The following RYR2 variants were observed in gnomAD, a reference collection of about 807,000 sequenced individuals.
The protein encoded by RYR2 is ryanodine receptor 2.
In RYR2, 227 loss-of-function variants were observed where a neutral mutation model predicts 601.1. The ratio of observed to expected loss-of-function variants is 0.38; its 90% CI spans 0.34 to 0.42. The LOEUF is 0.42. RYR2 is among the 10% of genes least tolerant of loss of function. The pLI is 1.00. For synonymous variants in RYR2, 2,223 were observed against 2,175.1 expected (o/e 1.02, Z -0.61); for missense variants, 4,646 against 6,156.5 (o/e 0.75, Z 8.21).
intron 16 of RYR2, among the ~76,000 whole-genome samples, chr1:237,459,790 A>G (rs1659262797): frequency 1.3e-5 from 2 of 152,098 alleles, no homozygotes; most frequent in African/African-American, 4.8e-5. Flanking sequence ...AATGTTGGGG[A>G]CTTGGTGGGT....
intron 27 of RYR2, among the ~76,000 whole-genome samples, chr1:237,556,710 A>G (rs1451829103): frequency 6.6e-6 from 1 of 151,918 alleles, no homozygotes. Context: ...CTCTCAGTGT[A>G]GACAGGGAAA....
chr1:237,485,743 GTATACA>G (rs1662609535), intron 17 of RYR2, among the ~76,000 whole-genome samples: 2 of 152,188 alleles, frequency 1.3e-5, no homozygotes, highest in Admixed American at 1.3e-4. Context: ...TCATATGTAG[GTATACA>G]TATTAATTGT....
intron 1 of RYR2, among the ~76,000 whole-genome samples, chr1:237,235,798 A>C (rs942935064): frequency 1.3e-5 from 2 of 152,220 alleles, no homozygotes; most frequent in Non-Finnish European, 2.9e-5. Flanking sequence ...GGTCATTAAA[A>C]TAGTTTTTAG....
chr1:237,826,389 A>C (rs1056183212), intron 101 of RYR2, among the ~76,000 whole-genome samples: 1 of 152,200 alleles, frequency 6.6e-6, no homozygotes, highest in African/African-American at 2.4e-5. Context: ...GCTGGAAACC[A>C]TCATTCTCAG....
At chr1:237,818,546 T>G (rs1891246) in intron 100 of RYR2, among the ~76,000 whole-genome samples, 71,748 of 151,810 alleles carry the variant, frequency 0.47, 18,205 homozygotes, top group African/African-American at 0.67. Context: ...AAGTAGAAAA[T>G]AATTTCAGCA....
At chr1:237,787,958 A>C in intron 91 of RYR2, 30 bp from the exon 92 acceptor site, 1 of 1,562,344 alleles carries the variant, frequency 6.4e-7, no homozygotes, top group Non-Finnish European at 8.7e-7. Context: ...GTTTCTGGAG[A>C]GCTTATGTTT....
intron 1 of RYR2, among the ~76,000 whole-genome samples, chr1:237,264,953 C>T (rs150466653): frequency 4.0e-5 from 6 of 151,882 alleles, no homozygotes; most frequent in East Asian, 3.9e-4. Flanking sequence ...CCACCTGCCT[C>T]GGCCTCCCAA....
At chr1:237,117,352 TG>T (rs1670188007) in intron 1 of RYR2, among the ~76,000 whole-genome samples, 1 of 152,064 alleles carries the variant, frequency 6.6e-6, no homozygotes, top group Admixed American at 6.5e-5. Flanking sequence ...TTTCTCTAGG[TG>T]GGGAGGTCAG....
intron 66 of RYR2, 149 bp downstream of exon 66, chr1:237,702,208 C>G (rs1170480279): frequency 2.4e-5 from 14 of 574,946 alleles, no homozygotes; most frequent in Non-Finnish European, 4.3e-5. Context: ...ATTAGACAAT[C>G]TTTAAACAAA....
At chr1:237,297,701 C>T (rs910649742) in intron 2 of RYR2, among the ~76,000 whole-genome samples, 2 of 151,520 alleles carry the variant, frequency 1.3e-5, no homozygotes, top group African/African-American at 4.9e-5. Flanking sequence ...TGGGAGCGTT[C>T]ACATATAAGT....
chr1:237,462,022 A>G (rs1411447100), intron 16 of RYR2, among the ~76,000 whole-genome samples: 4 of 152,192 alleles, frequency 2.6e-5, no homozygotes, highest in African/African-American at 9.6e-5. Flanking sequence ...ATAGCCACAT[A>G]TACCTAAATA....
intron 86 of RYR2, 141 bp downstream of exon 86, chr1:237,772,241 C>T: frequency 2.0e-6 from 1 of 509,502 alleles, no homozygotes; most frequent in Non-Finnish European, 3.4e-6. Flanking sequence ...CTCAGCAATT[C>T]TTAGAGCAAA....
Position 237,791,454 on chromosome 1 carries a change from A to G in RYR2, c.13502A>G (p.Asn4501Ser). The G allele has an allele frequency of 6.3e-7, 1 of 1,578,352 alleles. No homozygotes were observed. The highest frequency in any genetic ancestry group is 8.6e-7 in the Non-Finnish European group (1 of 1,158,384). ...AACTATTTTGCTCGCAACTTTTACA[A>G]CATGAGAATGTTAGCCTTATTTGTC... ...LLNYFARNFY[N>S]MRMLALFVAF... is the part of the protein sequence containing the mutation. Residue 4501 changes from asparagine (N) to serine (S), a missense_variant, in exon 93 of 105, where the codon AAC becomes AGC. Physicochemically the swap from Asn to Ser is conservative, Grantham distance 46. Coordinates refer to ENST00000366574, the MANE Select transcript of RYR2 (RefSeq NM_001035.3).
chr1:237,473,177 A>G (rs1016443463), intron 17 of RYR2, among the ~76,000 whole-genome samples: 3 of 152,064 alleles, frequency 2.0e-5, no homozygotes, highest in Non-Finnish European at 4.4e-5. Flanking sequence ...TAATCCCAGC[A>G]CTTTGGGAGG....
At chr1:237,668,721 T>C (rs533054806) in intron 58 of RYR2, among the ~76,000 whole-genome samples, 13 of 152,238 alleles carry the variant, frequency 8.5e-5, no homozygotes, top group Admixed American at 2.6e-4. Flanking sequence ...GGTGAAAATG[T>C]AGAAGGGGAG....
chr1:237,359,869 C>G (rs545467871), intron 4 of RYR2, among the ~76,000 whole-genome samples: 3 of 152,258 alleles, frequency 2.0e-5, no homozygotes, highest in African/African-American at 7.2e-5. Context: ...CCTTTTCTAA[C>G]CTATACCATT....
chr1:237,426,482 T>C (rs1460902457), intron 12 of RYR2, among the ~76,000 whole-genome samples: 1 of 152,152 alleles, frequency 6.6e-6, no homozygotes, highest in Non-Finnish European at 1.5e-5. Context: ...GGGAATTTGC[T>C]AGTTTATCTA....
At chr1:237,280,696 CT>C (rs1690762260) in intron 2 of RYR2, among the ~76,000 whole-genome samples, 1 of 151,492 alleles carries the variant, frequency 6.6e-6, no homozygotes, top group African/African-American at 2.4e-5. Flanking sequence ...TAACAGTTTT[CT>C]TGGCAGATTG....
At chr1:237,715,959 A>AT (rs1207916928) in intron 71 of RYR2, among the ~76,000 whole-genome samples, 6 of 152,088 alleles carry the variant, frequency 3.9e-5, no homozygotes, top group Non-Finnish European at 8.8e-5. Flanking sequence ...TATTCATCAT[A>AT]TTTTTTCTAA....
Sources: allele counts gnomAD v4.1 joint callset (sites outside exome capture counted in the v4.1 genomes callset), GRCh38; gene constraint gnomAD v4.1.1; transcripts MANE v1.5; gene names NCBI Gene and HGNC (gene_info 2026-07-23, HGNC 2026-07-21).